The following COL12A1 variants were observed in gnomAD, a reference collection of about 807,000 sequenced individuals.
COL12A1 encodes collagen alpha-1(XII) chain.
In COL12A1, 114 loss-of-function variants were observed where a neutral mutation model predicts 349.7. The ratio of observed to expected loss-of-function variants is 0.33; its 90% CI spans 0.28 to 0.38. COL12A1 has a LOEUF of 0.38. Among genes scored for constraint, COL12A1 ranks in the 10% least tolerant of loss-of-function variants. The pLI, the probability that COL12A1 is intolerant of heterozygous loss-of-function variation, is 1.00. For synonymous variants in COL12A1, 1,369 were observed against 1,329.0 expected, an observed-to-expected ratio of 1.03 and a Z score of -0.66; for missense variants, 3,284 against 3,756.9, an observed-to-expected ratio of 0.87 and a Z score of 3.29.
chr6:75,181,649 T>A (rs1769299810), intron 10 of COL12A1, among the ~76,000 whole-genome samples: 1 of 152,114 alleles, frequency 6.6e-6, no homozygotes, highest in Non-Finnish European at 1.5e-5. Context: ...AATTAAGGAA[T>A]TTTTCCCAAC....
chr6:75,112,694 T>G (rs1443137402), intron 51 of COL12A1, among the ~76,000 whole-genome samples: 2 of 151,680 alleles, frequency 1.3e-5, no homozygotes, highest in Non-Finnish European at 3.0e-5. Flanking sequence ...TCTTAATTAT[T>G]TTGGTAGATA....
intron 5 of COL12A1, among the ~76,000 whole-genome samples, chr6:75,190,080 G>T (rs1335159711): frequency 6.6e-6 from 1 of 151,956 alleles, no homozygotes; most frequent in Non-Finnish European, 1.5e-5. Flanking sequence ...GAGATAAATA[G>T]ATCTATAATC....
chr6:75,133,586 T>G (rs945202081), intron 33 of COL12A1, among the ~76,000 whole-genome samples, 164 bp from the exon 34 acceptor site: 1 of 152,122 alleles, frequency 6.6e-6, no homozygotes, highest in African/African-American at 2.4e-5. Flanking sequence ...AGGTTACATA[T>G]TTCCCTATAC....
At chr6:75,131,123 AC>A in intron 35 of COL12A1, 142 bp from the exon 36 acceptor site, 1 of 1,093,264 alleles carries the variant, frequency 9.1e-7, no homozygotes, top group Non-Finnish European at 1.3e-6. Flanking sequence ...CATAAGATCC[AC>A]CCAGACCATA....
At chr6:75,153,219 A>G (rs1200478095) in intron 17 of COL12A1, among the ~76,000 whole-genome samples, 1 of 152,196 alleles carries the variant, frequency 6.6e-6, no homozygotes, top group Non-Finnish European at 1.5e-5. Flanking sequence ...TCAAGAAAGA[A>G]GGAAGACAAT....
intron 44 of COL12A1, among the ~76,000 whole-genome samples, chr6:75,119,894 T>C (rs1164745355): frequency 6.6e-6 from 1 of 152,154 alleles, no homozygotes. Flanking sequence ...AATACAGAAA[T>C]GTCACATGTG....
In COL12A1 at chr6:75,128,387, CTGCAGTATTACAT is replaced by C; in HGVS notation, c.6236_6248del (p.Asn2079SerfsTer25). The C allele has an allele frequency of 6.2e-7, 1 of 1,608,496 alleles. No homozygotes were observed. The highest frequency in any genetic ancestry group is 8.5e-7 in the Non-Finnish European group (1 of 1,177,312). On this transcript the variant is annotated frameshift_variant, in exon 38 of 66. Transcript: ENST00000322507. LOFTEE classifies it high-confidence loss of function. The stretch of plus-strand genomic sequence containing the variant: ...TATATGGAGTGTCAGGTTGCAGGGG[CTGCAGTATTACAT>C]TGTTTCTTCTGCCTGGGACTGTGGT...
chr6:75,133,399 A>G lies in COL12A1; in HGVS notation c.5688T>C (p.Asn1896=). The change falls in exon 34 of 66, where the codon AAT becomes AAC. Residue 1896 remains asparagine (N), a synonymous_variant. Transcript: ENST00000322507. ...EELVPIPGNT[N]YAILRNLQPD... is the part of the protein sequence containing the mutation. ...GCTGCAGATTCCTAAGAATGGCATAATTGGTATTCCCGGGGATTGGTACCT... is the reference window on the plus strand; with the variant it reads ...GCTGCAGATTCCTAAGAATGGCATAGTTGGTATTCCCGGGGATTGGTACCT... The G allele has an allele frequency of 6.2e-7, 1 of 1,612,304 alleles. No individual in the cohort carries two copies. The highest frequency in any genetic ancestry group is 8.5e-7 in the Non-Finnish European group (1 of 1,179,268).
chr6:75,119,473 C>T lies in COL12A1; in HGVS notation c.7087G>A (p.Val2363Ile). Reference sequence around the variant, plus strand: ...TCATCGCTGTATTGCACAAATGAAACCTGAAGGAAAATGTGATTTGGCAGT... The same window carrying T: ...TCATCGCTGTATTGCACAAATGAAATCTGAAGGAAAATGTGATTTGGCAGT... ...FDEISPAGIQVSFVQYSDEVK... is the reference protein window; with the variant it reads ...FDEISPAGIQISFVQYSDEVK... Residue 2363 changes from valine (V) to isoleucine (I), a missense_variant and splice_region_variant, in exon 45 of 66, where the codon GTT (valine) becomes ATT (isoleucine). Around this residue, in one of 2 missense-constraint regions of COL12A1, gnomAD observed 683 missense variants for 932.1 expected, o/e 0.73. Transcript: ENST00000322507. 6.3e-7 allele frequency: 1 copy of T among 1,599,950 alleles called. No homozygotes were observed. Among genetic ancestry groups the T allele is most frequent in the Non-Finnish European group, 8.5e-7 (1 of 1,173,940 alleles).
chr6:75,145,841 G>A (rs188864730), intron 24 of COL12A1, among the ~76,000 whole-genome samples: 115 of 151,906 alleles, frequency 7.6e-4, no homozygotes, highest in African/African-American at 2.5e-3. Flanking sequence ...CATATTGGTC[G>A]GGCTAGTCTC....
At chr6:75,135,408 A>G (rs1042947724) in intron 31 of COL12A1, among the ~76,000 whole-genome samples, 7 of 152,216 alleles carry the variant, frequency 4.6e-5, no homozygotes, top group Admixed American at 3.9e-4. Flanking sequence ...GCCAGGCCAC[A>G]CTCAATCAGG....
chr6:75,119,401 C>A lies in COL12A1; in HGVS notation c.7159G>T (p.Ala2387Ser). ...CTAATATTCTGGAGGGCCCCAAGGG[C>A]TAGGGCCTTGTCATTGTACGTGTTC... ...KLNTYNDKAL[A>S]LGALQNIRYR... The change falls in exon 45 of 66, where the codon GCC becomes TCC. Residue 2387 changes from alanine to serine, a missense_variant. Physicochemically the swap from Ala to Ser is moderately conservative, Grantham distance 99. Around this residue, in one of 2 missense-constraint regions of COL12A1, gnomAD observed 683 missense variants for 932.1 expected, o/e 0.73. Transcript: ENST00000322507. 2.5e-6 allele frequency: 4 copies of A among 1,613,992 alleles called. No homozygotes were observed. Among genetic ancestry groups the A allele is most frequent in the Non-Finnish European group, 3.4e-6 (4 of 1,179,910 alleles).
At chr6:75,175,783 T>A (rs1768905686) in intron 12 of COL12A1, among the ~76,000 whole-genome samples, 1 of 152,184 alleles carries the variant, frequency 6.6e-6, no homozygotes, top group Non-Finnish European at 1.5e-5. Flanking sequence ...ATTATAAACA[T>A]ATTGCTTTCC....
intron 2 of COL12A1, among the ~76,000 whole-genome samples, chr6:75,198,688 G>T (rs565057388): frequency 6.6e-6 from 1 of 151,992 alleles, no homozygotes; most frequent in African/African-American, 2.4e-5. Flanking sequence ...AGAAATTACC[G>T]GCCACTGCAG....
At chr6:75,101,004 T>C (rs967571645) in intron 58 of COL12A1, among the ~76,000 whole-genome samples, 1 of 152,210 alleles carries the variant, frequency 6.6e-6, no homozygotes, top group Non-Finnish European at 1.5e-5. Context: ...AGAGGTCATG[T>C]TCACCATGCT....
chr6:75,120,565 T>C (rs1344125491), intron 44 of COL12A1, among the ~76,000 whole-genome samples: 1 of 152,178 alleles, frequency 6.6e-6, no homozygotes, highest in Non-Finnish European at 1.5e-5. Flanking sequence ...AATGACAATA[T>C]GAAGTGATAT....
intron 10 of COL12A1, among the ~76,000 whole-genome samples, chr6:75,182,421 CT>C (rs1247644771): frequency 1.3e-5 from 2 of 149,496 alleles, no homozygotes; most frequent in African/African-American, 4.9e-5. Flanking sequence ...TCCATGTGTT[CT>C]CATTATTCAA....
chr6:75,113,767 GA>G, intron 49 of COL12A1, 23 bp from the exon 50 acceptor site: 4 of 1,496,248 alleles, frequency 2.7e-6, no homozygotes, highest in Non-Finnish European at 3.6e-6. Flanking sequence ...ACAAAAGAAA[GA>G]AAAAGGAGAG....
chr6:75,130,240 A>C lies in COL12A1; in HGVS notation c.6068-7T>G. 6.2e-7 allele frequency: 1 copy of C among 1,611,824 alleles called. No homozygotes were observed. Among genetic ancestry groups the C allele is most frequent in the East Asian group, 2.2e-5 (1 of 44,844 alleles). On this transcript the variant is annotated splice_region_variant and splice_polypyrimidine_tract_variant and intron_variant, in intron 36 of 65. Coordinates refer to ENST00000322507, the MANE Select transcript of COL12A1 (RefSeq NM_004370.6). ...CTTGGTCCACTGCGTGGTACTAAATAAATAAAATACAATAGAGTTTGTTGC... is the reference window on the plus strand; with the variant it reads ...CTTGGTCCACTGCGTGGTACTAAATCAATAAAATACAATAGAGTTTGTTGC...
Sources: gnomAD v4.1 joint callset for allele counts (sites outside exome capture counted in the v4.1 genomes callset) on GRCh38, gnomAD v4.1.1 for gene constraint, gnomAD v4.1.1 regional missense constraint, MANE v1.5 for transcripts, NCBI Gene and HGNC (gene_info 2026-07-23, HGNC 2026-07-21) for gene names.